PRKCE: variants seen among roughly 807,000 people sequenced by gnomAD.
PRKCE encodes the protein protein kinase C epsilon.
Under a neutral mutation model 85.4 loss-of-function variants are expected in PRKCE, and 16 were observed. That is an observed-to-expected ratio of 0.19 (90% confidence interval 0.13 to 0.28). The LOEUF (loss-of-function observed/expected upper bound fraction) is 0.28, where lower values mean the gene tolerates loss of function less well. PRKCE is among the 10% of genes least tolerant of loss of function. PRKCE has a pLI of 1.00. For missense variants in PRKCE, 573 were observed against 975.2 expected, an observed-to-expected ratio of 0.59 and a Z score of 5.49; for synonymous variants, 388 against 371.5, an observed-to-expected ratio of 1.04 and a Z score of -0.51.
intron 10 of PRKCE, among the ~76,000 whole-genome samples, chr2:46,081,766 G>C (rs182184812): frequency 6.6e-6 from 1 of 152,322 alleles, no homozygotes; most frequent in African/African-American, 2.4e-5. Context: ...AGAGTTTTCC[G>C]TTTATTCCTA....
intron 1 of PRKCE, among the ~76,000 whole-genome samples, chr2:45,768,798 A>G (rs751401866): frequency 8.5e-5 from 13 of 152,228 alleles, no homozygotes; most frequent in Non-Finnish European, 1.5e-4. Flanking sequence ...ATGCAGCTTA[A>G]CACACATTTT....
At chr2:46,147,311 CCTCT>C (rs978751641) in intron 12 of PRKCE, among the ~76,000 whole-genome samples, 1 of 152,166 alleles carries the variant, frequency 6.6e-6, no homozygotes, top group Non-Finnish European at 1.5e-5. Flanking sequence ...AGTTCCAGTT[CCTCT>C]CTAAGTTGAT....
chr2:46,023,430 C>T (rs1706849378), intron 10 of PRKCE, among the ~76,000 whole-genome samples: 1 of 152,210 alleles, frequency 6.6e-6, no homozygotes, highest in Non-Finnish European at 1.5e-5. Flanking sequence ...CCCCTTTTCC[C>T]AGAAGTTTAT....
chr2:45,772,355 A>G (rs183133052), intron 1 of PRKCE, among the ~76,000 whole-genome samples: 1 of 152,118 alleles, frequency 6.6e-6, no homozygotes, highest in Non-Finnish European at 1.5e-5. Flanking sequence ...ACAGAGAGCA[A>G]TGGGAAAGAG....
intron 1 of PRKCE, among the ~76,000 whole-genome samples, chr2:45,781,726 G>A (rs966804135): frequency 6.6e-6 from 1 of 151,358 alleles, no homozygotes. Context: ...TGAAATATTT[G>A]CTTTTCTTTA....
At chr2:45,676,895 A>G (rs1464782893) in intron 1 of PRKCE, 1 of 152,186 alleles carries the variant, frequency 6.6e-6, no homozygotes, top group Non-Finnish European at 1.5e-5. Flanking sequence ...CTAGATAGGT[A>G]CCCTAATCTC....
chr2:45,925,973 G>T (rs1361494289), intron 2 of PRKCE, among the ~76,000 whole-genome samples: 1 of 152,248 alleles, frequency 6.6e-6, no homozygotes, highest in African/African-American at 2.4e-5. Context: ...ACTTCAGTGG[G>T]TAGAATCAGG....
chr2:45,890,526 C>G (rs1695646195), intron 2 of PRKCE, among the ~76,000 whole-genome samples: 1 of 151,846 alleles, frequency 6.6e-6, no homozygotes, highest in Non-Finnish European at 1.5e-5. Flanking sequence ...ATTACAGGCG[C>G]CCACCACCAC....
chr2:45,741,914 A>G (rs1682611556), intron 1 of PRKCE, among the ~76,000 whole-genome samples: 4 of 152,160 alleles, frequency 2.6e-5, no homozygotes, highest in Admixed American at 2.6e-4. Context: ...AGTCCCCTGT[A>G]ATGCTTGTTA....
intron 1 of PRKCE, among the ~76,000 whole-genome samples, chr2:45,733,466 G>T (rs1558609777): frequency 6.6e-6 from 1 of 152,156 alleles, no homozygotes; most frequent in Non-Finnish European, 1.5e-5. Context: ...CATAAATGGT[G>T]GGGTATGTGA....
At chr2:46,062,480 C>T (rs1285609563) in intron 10 of PRKCE, among the ~76,000 whole-genome samples, 11 of 152,096 alleles carry the variant, frequency 7.2e-5, no homozygotes, top group Middle Eastern at 3.4e-3. Context: ...AAACCATCCC[C>T]GGGGATTAGG....
intron 11 of PRKCE, among the ~76,000 whole-genome samples, chr2:46,108,788 A>G (rs1254366531): frequency 6.6e-6 from 1 of 152,202 alleles, no homozygotes; most frequent in Non-Finnish European, 1.5e-5. Flanking sequence ...AAGGTCACCA[A>G]GATTGTCTCC....
intron 1 of PRKCE, among the ~76,000 whole-genome samples, chr2:45,803,108 A>G (rs1455352678): frequency 6.6e-6 from 1 of 152,250 alleles, no homozygotes; most frequent in Non-Finnish European, 1.5e-5. Context: ...GCAATCTTAA[A>G]GAGAAATTCA....
At chr2:46,022,787 A>G (rs1482431322) in intron 10 of PRKCE, among the ~76,000 whole-genome samples, 2 of 152,238 alleles carry the variant, frequency 1.3e-5, no homozygotes, top group African/African-American at 4.8e-5. Context: ...TCCAGTTAAC[A>G]GTTTCAATAT....
At chr2:46,096,348 G>A (rs1670678323) in intron 11 of PRKCE, among the ~76,000 whole-genome samples, 1 of 152,198 alleles carries the variant, frequency 6.6e-6, no homozygotes, top group Non-Finnish European at 1.5e-5. Context: ...TGGCTAAACG[G>A]AGAACACAGT....
rs759740746 is a variant in PRKCE, at chr2:45,652,176, C to G, written c.76C>G (p.Arg26Gly). Residue 26 changes from arginine (R) to glycine (G), a missense_variant, in exon 1 of 15, where the codon CGC becomes GGC. Physicochemically the swap from Arg to Gly is moderately radical, Grantham distance 125. Around this residue, in one of 11 missense-constraint regions of PRKCE, gnomAD observed 100 missense variants for 177.1 expected, o/e 0.56. Coordinates refer to ENST00000306156, the MANE Select transcript of PRKCE (RefSeq NM_005400.3). This position sits in a 1 kb window ranked among gnomAD's most constrained non-coding sequence, Gnocchi z 7.7. ...CTTGAAGCCCACAGCCTGGTCGCTGCGCCATGCGGTGGGACCCCGGCCGCA... is the reference window on the plus strand; with the variant it reads ...CTTGAAGCCCACAGCCTGGTCGCTGGGCCATGCGGTGGGACCCCGGCCGCA... ...VSLKPTAWSL[R>G]HAVGPRPQTF... 1 of 1,612,710 alleles carries G rather than the reference C, an allele frequency of 6.2e-7. No homozygotes were observed. The highest frequency in any genetic ancestry group is 8.5e-7 in the Non-Finnish European group (1 of 1,179,446).
intron 10 of PRKCE, among the ~76,000 whole-genome samples, chr2:46,075,451 T>G (rs192771392): frequency 8.5e-5 from 13 of 152,196 alleles, no homozygotes; most frequent in African/African-American, 3.1e-4. Flanking sequence ...CTATTTAAGT[T>G]ATTTCTTGGC....
chr2:45,744,740 C>T (rs1159771410), intron 1 of PRKCE, among the ~76,000 whole-genome samples: 2 of 151,962 alleles, frequency 1.3e-5, no homozygotes, highest in Non-Finnish European at 2.9e-5. Context: ...TCCTAGATAG[C>T]TGGGACCACA....
intron 11 of PRKCE, among the ~76,000 whole-genome samples, chr2:46,124,469 CA>C (rs763544556): frequency 6.6e-6 from 1 of 152,100 alleles, no homozygotes; most frequent in South Asian, 2.1e-4. Context: ...ATGAATGGTT[CA>C]ATTTTATCCA....
Sources: gnomAD v4.1 joint callset for allele counts (sites outside exome capture counted in the v4.1 genomes callset) on GRCh38, gnomAD v4.1.1 for gene constraint, gnomAD v4.1.1 regional missense constraint, Gnocchi (gnomAD v3.1) non-coding constraint, MANE v1.5 for transcripts, NCBI Gene and HGNC (gene_info 2026-07-23, HGNC 2026-07-21) for gene names.